Variants in SACM1L observed in about 807,000 individuals in gnomAD.
SACM1L encodes the protein SAC1 like phosphatidylinositide phosphatase.
A neutral mutation model predicts 89.5 loss-of-function variants in SACM1L; 32 were observed. The ratio of observed to expected loss-of-function variants is 0.36; its 90% CI spans 0.27 to 0.48. The LOEUF is 0.48. Ranked by LOEUF, SACM1L falls within the 20% of genes least tolerant of loss-of-function variation. The pLI is 0.99. For missense variants in SACM1L, 543 were observed against 708.5 expected (o/e 0.77, Z 2.65); for synonymous variants, 213 against 232.8 (o/e 0.92, Z 0.77).
At chr3:45,737,889 G>A (rs747480870) in intron 16 of SACM1L, 45 bp downstream of exon 16, 1 of 1,496,080 alleles carries the variant, frequency 6.7e-7, no homozygotes, top group Non-Finnish European at 9.2e-7. Context: ...GTAGTTCACA[G>A]TCCTGGTGCT....
intron 9 of SACM1L, 74 bp from the exon 10 acceptor site, chr3:45,722,795 A>T: frequency 9.4e-7 from 1 of 1,069,042 alleles, no homozygotes; most frequent in Non-Finnish European, 1.4e-6. Flanking sequence ...TAATATATAC[A>T]CCCCTGACAA....
chr3:45,705,229 G>C lies in SACM1L; in HGVS notation c.205+20G>C, dbSNP rs747324319. ...TGGCAGGTAAGAGAAAATAAGCTAA[G>C]ATGGGCAAAGAAGGTAATTAGCAAG... On this transcript the variant is annotated intron_variant, in intron 3 of 19. Coordinates refer to ENST00000389061, the MANE Select transcript of SACM1L (RefSeq NM_014016.5). 6.1e-6 allele frequency: 9 copies of C among 1,483,900 alleles called. No individual in the cohort carries two copies. The South Asian group carries it at 1.0e-4, about 17-fold the overall frequency. 91.9% of individuals were successfully genotyped at this position (1,483,900 alleles called of 1,614,324 possible). A position where few individuals can be genotyped will look rare whatever the true frequency, so the allele number is the denominator to read the frequency against.
In SACM1L at chr3:45,702,785, A is replaced by G. The variant is rs78237581; in HGVS notation, c.33-653A>G. ...CATAAATTTTAAGTAGTCTCTCTCA[A>G]CCGTGTTTCTACCTCCTTTATTTTT... On this transcript the variant is annotated intron_variant, in intron 1 of 19. Transcript: ENST00000389061. Among the ~76,000 whole-genome samples the G allele has an allele frequency of 5.6e-3, 851 of 152,088 alleles. 3 individuals are homozygous for G. The highest frequency in any genetic ancestry group is 0.012 in the African/African-American group (512 of 41,486).
intron 1 of SACM1L, among the ~76,000 whole-genome samples, chr3:45,699,942 C>T (rs1395704838): frequency 2.0e-5 from 3 of 152,112 alleles, no homozygotes; most frequent in African/African-American, 7.2e-5. Context: ...TGAAATGTAC[C>T]TATTAAGTTG....
At chr3:45,704,966 A>T (rs761629662) in intron 2 of SACM1L, among the ~76,000 whole-genome samples, 169 bp from the exon 3 acceptor site, 21 of 152,246 alleles carry the variant, frequency 1.4e-4, no homozygotes, top group Non-Finnish European at 2.6e-4. Context: ...TCCAGTTTAC[A>T]TAACTTATAG....
At chr3:45,699,752 C>G (rs1698223853) in intron 1 of SACM1L, among the ~76,000 whole-genome samples, 1 of 152,146 alleles carries the variant, frequency 6.6e-6, no homozygotes, top group Non-Finnish European at 1.5e-5. Flanking sequence ...AAACTTCTCA[C>G]CTCAAACGAT....
intron 4 of SACM1L, among the ~76,000 whole-genome samples, chr3:45,709,144 A>G (rs1698465355): frequency 6.6e-6 from 1 of 152,188 alleles, no homozygotes. Flanking sequence ...TGTTGTGAAG[A>G]TTAAAGGGAA....
intron 14 of SACM1L, among the ~76,000 whole-genome samples, chr3:45,735,593 C>G (rs1699179626): frequency 6.6e-6 from 1 of 152,112 alleles, no homozygotes; most frequent in Non-Finnish European, 1.5e-5. Context: ...TATGTAATCA[C>G]AGTTTCTGGT....
At chr3:45,707,238 C>T (rs988220286) in intron 4 of SACM1L, 1 of 194,976 alleles carries the variant, frequency 5.1e-6, no homozygotes, top group African/African-American at 2.4e-5. Context: ...CTTTGAAGTT[C>T]TACTCCTCTT....
intron 1 of SACM1L, among the ~76,000 whole-genome samples, chr3:45,702,379 A>G (rs532192045): frequency 5.8e-4 from 88 of 152,218 alleles, no homozygotes; most frequent in Non-Finnish European, 1.8e-4. Flanking sequence ...AGGAAAAGAA[A>G]AAGCCCTCAG....
chr3:45,701,193 A>G (rs977893707), intron 1 of SACM1L, among the ~76,000 whole-genome samples: 10 of 152,154 alleles, frequency 6.6e-5, no homozygotes, highest in East Asian at 1.9e-4. Flanking sequence ...GAACACAACA[A>G]TGTATCTGTG....
rs1316534705 is a variant in SACM1L at position 45,713,184 on chromosome 3, T to C, written c.531T>C (p.Ser177=). Residue 177 remains serine (S), a synonymous_variant, in exon 6 of 20, where the codon TCT becomes TCC. Coordinates refer to ENST00000389061, the MANE Select transcript of SACM1L (RefSeq NM_014016.5). ...ATGGTCATCTTCTAAGAGAACTTTC[T>C]GCACAGCCAGAGGTAATGTACACGA... is the stretch of plus-strand genomic sequence containing the variant. ...VWNGHLLREL[S]AQPEVHRFAL... The C allele has an allele frequency of 5.0e-6, 8 of 1,612,342 alleles. No individual in the cohort carries two copies. The South Asian group carries it at 7.7e-5, about 16-fold the overall frequency.
intron 5 of SACM1L, among the ~76,000 whole-genome samples, chr3:45,712,426 A>G (rs1559541957): frequency 6.6e-6 from 1 of 152,154 alleles, no homozygotes; most frequent in Non-Finnish European, 1.5e-5. Flanking sequence ...TTGCATCTTT[A>G]GTAGAGACAT....
Position 45,732,078 on chromosome 3 carries a change from G to A in SACM1L, c.1027G>A (p.Glu343Lys), listed in dbSNP as rs754614237. 44 of 1,598,486 alleles carry A rather than the reference G, an allele frequency of 2.8e-5. No homozygotes were observed. The highest frequency in any genetic ancestry group is 3.3e-5 in the Non-Finnish European group (39 of 1,174,202). Residue 343 changes from glutamate (E) to lysine (K), a missense_variant, in exon 13 of 20, where the codon GAA becomes AAA. Glu to Lys is a moderately conservative substitution (Grantham distance 56, BLOSUM62 1). This residue lies in a region of SACM1L where 370 missense variants were observed against 527.6 expected (regional missense o/e 0.70). Coordinates refer to ENST00000389061, the MANE Select transcript of SACM1L (RefSeq NM_014016.5). Reference sequence around the variant, plus strand: ...ATACATTGCCTTTGACTTCCATAAGGAATGTAAAAATATGAGATGGGATCG... The same window carrying A: ...ATACATTGCCTTTGACTTCCATAAGAAATGTAAAAATATGAGATGGGATCG... The part of the protein sequence containing the change: ...MRYIAFDFHK[E>K]CKNMRWDRLS...
Position 45,739,603 on chromosome 3 carries a change from T to C in SACM1L, c.1586T>C (p.Val529Ala). Residue 529 changes from valine (V) to alanine (A), a missense_variant, in exon 19 of 20, where the codon GTT becomes GCT. By Grantham distance (64) the Val-to-Ala change is moderately conservative (BLOSUM62 0). Around this residue, in one of 2 missense-constraint regions of SACM1L, gnomAD observed 370 missense variants for 527.6 expected, o/e 0.70. Coordinates refer to ENST00000389061, the MANE Select transcript of SACM1L (RefSeq NM_014016.5). Reference protein sequence around the residue: ...WKFLALPIIMVVAFSMCIICL... With the variant: ...WKFLALPIIMAVAFSMCIICL... The stretch of plus-strand genomic sequence containing the variant: ...CTTTTCCAGTTGCCTATTATCATGG[T>C]TGTTGCCTTTTCAATGTGCATTATC... 1 of 1,614,148 alleles carries C rather than the reference T, an allele frequency of 6.2e-7. No individual in the cohort carries two copies. Among genetic ancestry groups the C allele is most frequent in the Non-Finnish European group, 8.5e-7 (1 of 1,180,000 alleles).
intron 8 of SACM1L, among the ~76,000 whole-genome samples, chr3:45,721,516 C>T (rs1382216496): frequency 2.0e-5 from 3 of 152,236 alleles, no homozygotes; most frequent in Non-Finnish European, 4.4e-5. Flanking sequence ...GAGCGAAACT[C>T]CGTCTCAAAA....
intron 11 of SACM1L, among the ~76,000 whole-genome samples, chr3:45,726,484 C>A (rs984839184): frequency 2.6e-5 from 4 of 151,858 alleles, no homozygotes; most frequent in Non-Finnish European, 5.9e-5. Flanking sequence ...TCTGGGTTAT[C>A]CTACTTGTTG....
intron 13 of SACM1L, among the ~76,000 whole-genome samples, chr3:45,733,619 C>A (rs1190445028): frequency 6.6e-6 from 1 of 152,084 alleles, no homozygotes; most frequent in Non-Finnish European, 1.5e-5. Context: ...TTGTATTTAG[C>A]CCTTGATGAA....
At chr3:45,701,039 A>G (rs1698255244) in intron 1 of SACM1L, among the ~76,000 whole-genome samples, 1 of 152,216 alleles carries the variant, frequency 6.6e-6, no homozygotes, top group Non-Finnish European at 1.5e-5. Flanking sequence ...CCTCAAATGA[A>G]TTTTTAGATG....
Sources: allele counts gnomAD v4.1 joint callset (sites outside exome capture counted in the v4.1 genomes callset), GRCh38; gene constraint gnomAD v4.1.1; regional missense constraint gnomAD v4.1.1; transcripts MANE v1.5; gene names NCBI Gene and HGNC (gene_info 2026-07-23, HGNC 2026-07-21).